Variants in GRIK2 observed in about 807,000 individuals in gnomAD.
GRIK2 encodes glutamate receptor ionotropic, kainate 2.
In GRIK2, 32 loss-of-function variants were observed where a neutral mutation model predicts 100.3. The observed-to-expected ratio is 0.32, with a 90% CI of 0.24 to 0.43. The LOEUF (loss-of-function observed/expected upper bound fraction) is 0.43, where lower values mean the gene tolerates loss of function less well. Ranked by LOEUF, GRIK2 falls within the 20% of genes least tolerant of loss-of-function variation. The pLI is 1.00. For missense variants in GRIK2, 843 were observed against 1,114.9 expected, an observed-to-expected ratio of 0.76 and a Z score of 3.47; for synonymous variants, 417 against 389.4, an observed-to-expected ratio of 1.07 and a Z score of -0.83.
At chr6:101,984,099 GTAA>G (rs1202042229) in intron 14 of GRIK2, among the ~76,000 whole-genome samples, 1 of 151,630 alleles carries the variant, frequency 6.6e-6, no homozygotes, top group Non-Finnish European at 1.5e-5. Flanking sequence ...AAAGTAACTT[GTAA>G]TAAGTTTTAA....
intron 4 of GRIK2, among the ~76,000 whole-genome samples, chr6:101,675,970 CA>C (rs1770805345): frequency 2.0e-5 from 3 of 152,088 alleles, no homozygotes; most frequent in Non-Finnish European, 4.4e-5. Context: ...CGATGAAAAC[CA>C]AGTAACCAAA....
At chr6:101,739,293 T>C (rs947580420) in intron 7 of GRIK2, among the ~76,000 whole-genome samples, 4 of 152,200 alleles carry the variant, frequency 2.6e-5, no homozygotes, top group African/African-American at 9.6e-5. Context: ...AGTGGGTGAT[T>C]GGAGGGTATA....
At chr6:101,879,745 A>C (rs759433316) in intron 11 of GRIK2, among the ~76,000 whole-genome samples, 4 of 151,774 alleles carry the variant, frequency 2.6e-5, no homozygotes, top group African/African-American at 9.7e-5. Context: ...TAGCATGAAA[A>C]TAAGTAGCCC....
chr6:101,559,155 T>C lies in GRIK2; in HGVS notation c.116-62794T>C, dbSNP rs888032532. Among the ~76,000 whole-genome samples the C allele has an allele frequency of 3.3e-5, 5 of 152,184 alleles. No homozygotes were observed. In the East Asian group the frequency reaches 9.6e-4, roughly 29 times the overall value. On this transcript the variant is annotated intron_variant, in intron 2 of 16. Coordinates refer to ENST00000369134, the MANE Select transcript of GRIK2 (RefSeq NM_021956.5). ...CATCACATTTTTGTCAGAATTAGTA[T>C]TTAAGTATTTTAATGATTATTTCAC...
intron 7 of GRIK2, among the ~76,000 whole-genome samples, chr6:101,762,125 C>T (rs1404612809): frequency 6.9e-6 from 1 of 145,738 alleles, no homozygotes; most frequent in Non-Finnish European, 1.5e-5. Flanking sequence ...TCCTCCCTTC[C>T]TTTCCTTCCT....
At chr6:102,056,892 T>C (rs116724914) in intron 16 of GRIK2, among the ~76,000 whole-genome samples, 2,795 of 152,038 alleles carry the variant, frequency 0.018, 85 homozygotes, top group African/African-American at 0.064. Flanking sequence ...AAATAACAAA[T>C]TAAAGTTTTT....
intron 2 of GRIK2, among the ~76,000 whole-genome samples, chr6:101,468,123 C>T (rs563655171): frequency 1.3e-5 from 2 of 152,084 alleles, no homozygotes; most frequent in Admixed American, 1.3e-4. Flanking sequence ...AGCCAGATGT[C>T]TTTTGCCAAG....
chr6:101,658,455 G>C (rs1002074800), intron 4 of GRIK2, among the ~76,000 whole-genome samples: 1 of 152,150 alleles, frequency 6.6e-6, no homozygotes, highest in South Asian at 2.1e-4. Flanking sequence ...GTCTATCATT[G>C]ATGGGCATTT....
At chr6:101,846,042 T>C (rs550709228) in intron 10 of GRIK2, among the ~76,000 whole-genome samples, 44 of 152,060 alleles carry the variant, frequency 2.9e-4, no homozygotes, top group Non-Finnish European at 5.6e-4. Context: ...AGGAGTTCTT[T>C]ATATATTCTG....
intron 4 of GRIK2, among the ~76,000 whole-genome samples, chr6:101,659,652 G>A (rs977637118): frequency 2.0e-5 from 3 of 152,152 alleles, no homozygotes; most frequent in African/African-American, 7.2e-5. Flanking sequence ...AGGAGCTCTT[G>A]TAAGACAGGC....
intron 2 of GRIK2, among the ~76,000 whole-genome samples, chr6:101,596,646 C>G (rs556745402): frequency 1.3e-5 from 2 of 151,734 alleles, no homozygotes; most frequent in Non-Finnish European, 3.0e-5. Context: ...ACCTCATTTA[C>G]TTTTGACTAC....
At chr6:101,398,757 T>C (rs1312991688) in intron 1 of GRIK2, 1 of 351,846 alleles carries the variant, frequency 2.8e-6, no homozygotes, top group East Asian at 4.4e-5. Context: ...ATAATAGATA[T>C]TGGGGAGCTC....
At chr6:101,826,924 T>C (rs1371859838) in intron 10 of GRIK2, among the ~76,000 whole-genome samples, 2 of 151,774 alleles carry the variant, frequency 1.3e-5, no homozygotes, top group Non-Finnish European at 3.0e-5. Context: ...AAACTCACCT[T>C]TTTTTTCTTG....
chr6:101,541,362 C>T (rs1170644399), intron 2 of GRIK2, among the ~76,000 whole-genome samples: 3 of 614 alleles, frequency 4.9e-3, no homozygotes, highest in Non-Finnish European at 0.021. Flanking sequence ...GATGTTACAC[C>T]CCAGCGCACA....
intron 14 of GRIK2, among the ~76,000 whole-genome samples, chr6:101,977,292 T>G (rs1793449623): frequency 1.3e-5 from 2 of 150,186 alleles, no homozygotes; most frequent in African/African-American, 5.0e-5. Flanking sequence ...GTCTGAGTCT[T>G]CTGTGAACCA....
chr6:101,976,259 A>T (rs1031105261), intron 14 of GRIK2, among the ~76,000 whole-genome samples: 6 of 152,116 alleles, frequency 3.9e-5, no homozygotes, highest in Admixed American at 2.6e-4. Flanking sequence ...TCTGTTATGT[A>T]ATATATTTTT....
chr6:101,519,943 G>C (rs1458715419), intron 2 of GRIK2, among the ~76,000 whole-genome samples: 1 of 152,058 alleles, frequency 6.6e-6, no homozygotes, highest in Non-Finnish European at 1.5e-5. Flanking sequence ...TAAGAATTGA[G>C]ATTAAGGCAT....
chr6:101,751,179 TTCTC>T (rs1776764357), intron 7 of GRIK2, among the ~76,000 whole-genome samples: 1 of 152,142 alleles, frequency 6.6e-6, no homozygotes, highest in Admixed American at 6.5e-5. Context: ...GCTCAAGTGA[TTCTC>T]TCACCTTGGC....
chr6:101,819,001 CA>C (rs1781793563), intron 10 of GRIK2, among the ~76,000 whole-genome samples: 1 of 152,060 alleles, frequency 6.6e-6, no homozygotes, highest in Non-Finnish European at 1.5e-5. Flanking sequence ...AACCAAATGG[CA>C]AGTGCTTTTT....
Sources: gnomAD v4.1 joint callset for allele counts (sites outside exome capture counted in the v4.1 genomes callset) on GRCh38, gnomAD v4.1.1 for gene constraint, MANE v1.5 for transcripts, NCBI Gene and HGNC (gene_info 2026-07-23, HGNC 2026-07-21) for gene names.